Variants in ACAD10 observed in about 807,000 individuals in gnomAD.
ACAD10 encodes ACAD-10.
In ACAD10, 112 loss-of-function variants were observed where a neutral mutation model predicts 116.8. That is an observed-to-expected ratio of 0.96 (90% CI 0.82 to 1.12). ACAD10 has a LOEUF of 1.12. Ranked by LOEUF, ACAD10 falls within the 50% of genes most tolerant of loss-of-function variation. The probability of loss-of-function intolerance (pLI) is 0.00; values close to 1 mark genes in which losing one functional copy is unlikely to be tolerated. For synonymous variants in ACAD10, 486 were observed against 510.6 expected, an observed-to-expected ratio of 0.95 and a Z score of 0.65; for missense variants, 1,259 against 1,350.2, an observed-to-expected ratio of 0.93 and a Z score of 1.06.
rs1318080104 is a variant in ACAD10 at position 111,747,115 on chromosome 12, C to T, written c.2323C>T (p.Gln775Ter). The T allele has an allele frequency of 6.2e-7, 1 of 1,613,350 alleles. No individual in the cohort carries two copies. Residue 775 changes from glutamine (Q) to a stop codon, truncating the protein, a stop_gained, in exon 15 of 21, where the codon CAG (glutamine) becomes TAG (stop). Coordinates refer to ENST00000313698, the MANE Select transcript of ACAD10 (RefSeq NM_025247.6). LOFTEE classifies it high-confidence loss of function. ...GCTGGTGAGGTATGGCACCGAAGCG[C>T]AGAAGGCTCGCTGGCTGATTCCTCT... ...ELLVRYGTEA[Q>*]KARWLIPLLE...
chr12:111,734,334 C>T (rs886562774), intron 11 of ACAD10, among the ~76,000 whole-genome samples: 1 of 152,194 alleles, frequency 6.6e-6, no homozygotes, highest in African/African-American at 2.4e-5. Context: ...AAATTAAAAA[C>T]ACATTCATTG....
chr12:111,713,252 A>C (rs1479745572), intron 6 of ACAD10, among the ~76,000 whole-genome samples: 1 of 151,394 alleles, frequency 6.6e-6, no homozygotes, highest in Non-Finnish European at 1.5e-5. Context: ...TGGAGGTTGC[A>C]GTCAGCCGAG....
chr12:111,695,878 G>T (rs1434794819), intron 2 of ACAD10, among the ~76,000 whole-genome samples: 3 of 151,880 alleles, frequency 2.0e-5, no homozygotes, highest in Non-Finnish European at 4.4e-5. Context: ...GCGGGGCATG[G>T]TGATGGGCAC....
intron 1 of ACAD10, chr12:111,686,492 A>G (rs754115660): frequency 6.6e-6 from 1 of 152,530 alleles, no homozygotes; most frequent in African/African-American, 2.4e-5. Context: ...AGGCGGGCGA[A>G]TCACCTCAGG....
At chr12:111,714,101 C>T (rs550857220) in intron 6 of ACAD10, among the ~76,000 whole-genome samples, 5 of 150,650 alleles carry the variant, frequency 3.3e-5, no homozygotes, top group East Asian at 2.0e-4. Context: ...AAAAATTAGC[C>T]GGGCATGGTG....
Position 111,756,289 on chromosome 12 carries a change from A to G in ACAD10, c.3040-44A>G, listed in dbSNP as rs747439873. 1.3e-5 allele frequency: 20 copies of G among 1,535,220 alleles called. No individual in the cohort carries two copies. In the East Asian group the frequency reaches 4.1e-4, roughly 31 times the overall value. ...TATCATTCCTGGGGCTCTCGGAGAC[A>G]AGGGCTGACCCAGGGCCGCCTCCCT... is the stretch of plus-strand genomic sequence containing the variant. On this transcript the variant is annotated intron_variant, in intron 20 of 20. Transcript: ENST00000313698.
At chr12:111,712,100 C>T (rs1201097510) in intron 5 of ACAD10, among the ~76,000 whole-genome samples, 1 of 152,194 alleles carries the variant, frequency 6.6e-6, no homozygotes, top group Non-Finnish European at 1.5e-5. Context: ...CTCGTTCCAG[C>T]CAATGGAAAC....
intron 8 of ACAD10, among the ~76,000 whole-genome samples, chr12:111,723,807 G>A (rs1318879578): frequency 8.6e-5 from 13 of 150,688 alleles, no homozygotes; most frequent in Non-Finnish European, 1.9e-4. Context: ...GCTGCCGGGC[G>A]GAGGGCCTCC....
intron 8 of ACAD10, among the ~76,000 whole-genome samples, chr12:111,724,335 A>G (rs1889148204): frequency 6.6e-6 from 1 of 151,998 alleles, no homozygotes; most frequent in African/African-American, 2.4e-5. Context: ...GCAGCCAGGC[A>G]GAGGGGCTCC....
intron 11 of ACAD10, among the ~76,000 whole-genome samples, chr12:111,735,716 A>G (rs1889533475): frequency 6.6e-6 from 1 of 152,096 alleles, no homozygotes; most frequent in African/African-American, 2.4e-5. Context: ...TGGCCTCCCA[A>G]AGTGCTAGGA....
intron 16 of ACAD10, chr12:111,747,836 C>G (rs1889958258): frequency 1.2e-6 from 1 of 844,620 alleles, no homozygotes; most frequent in African/African-American, 1.8e-5. Flanking sequence ...GGAGCCCATA[C>G]CTCCCTGGAC....
intron 1 of ACAD10, chr12:111,691,157 G>C (rs762838518): frequency 2.0e-5 from 3 of 151,952 alleles, no homozygotes; most frequent in Non-Finnish European, 4.4e-5. Context: ...CTCTATACAC[G>C]AGTGTATATA....
At position 111,735,193 on chromosome 12, in the gene ACAD10, G is replaced by C. The variant is rs376839825; in HGVS notation, c.1540+1125G>C. 2.0e-5 allele frequency among the ~76,000 whole-genome samples: 3 copies of C among 148,794 alleles called. No individual in the cohort carries two copies. The East Asian group carries it at 6.1e-4, about 30-fold the overall frequency. On this transcript the variant is annotated intron_variant, in intron 11 of 20. Transcript: ENST00000313698. ...GAGCTGAGATGGCGCCACTGCACTC[G>C]AGCCTAGGCAACAGAGCAAGACTCC... is the stretch of plus-strand genomic sequence containing the variant.
At chr12:111,692,149 G>A (rs1321231323) in intron 1 of ACAD10, among the ~76,000 whole-genome samples, 1 of 152,160 alleles carries the variant, frequency 6.6e-6, no homozygotes, top group Non-Finnish European at 1.5e-5. Flanking sequence ...TGTATTTTTA[G>A]TAGAGGTGGG....
chr12:111,742,469 G>A (rs879768810), intron 12 of ACAD10, among the ~76,000 whole-genome samples: 1 of 152,118 alleles, frequency 6.6e-6, no homozygotes, highest in African/African-American at 2.4e-5. Context: ...GGTCCAGTAG[G>A]CTAACTCTCT....
intron 8 of ACAD10, among the ~76,000 whole-genome samples, chr12:111,727,379 C>T (rs1272635627): frequency 6.6e-6 from 1 of 151,158 alleles, no homozygotes; most frequent in African/African-American, 2.4e-5. Flanking sequence ...AAAAAATTAG[C>T]CGGGCGTGGT....
chr12:111,733,845 G>A lies in ACAD10; in HGVS notation c.1395-78G>A. On this transcript the variant is annotated intron_variant, in intron 10 of 20. Coordinates refer to ENST00000313698, the MANE Select transcript of ACAD10 (RefSeq NM_025247.6). ...GGGAGGGTGGGGAGCCAAGCCTAAA[G>A]GGCAAACAGACCACGCAGAATCCAC... 1.9e-6 allele frequency: 3 copies of A among 1,586,562 alleles called. No individual in the cohort carries two copies. The South Asian group carries it at 3.3e-5, about 18-fold the overall frequency.
At position 111,748,443 on chromosome 12, in the gene ACAD10, C is replaced by G; in HGVS notation, c.2612C>G (p.Pro871Arg). ...MDTPGIKIIR[P>R]LTVYGLEDAP... ...ACCCCAGGGATAAAAATCATCCGGC[C>G]TCTGACGGTGTATGGACTGGAAGAT... The change falls in exon 17 of 21, where the codon CCT (proline) becomes CGT (arginine). Residue 871 changes from proline to arginine, a missense_variant. Pro to Arg is a moderately radical substitution (Grantham distance 103, BLOSUM62 -2). Transcript: ENST00000313698. 6.2e-7 allele frequency: 1 copy of G among 1,613,886 alleles called. No individual in the cohort carries two copies. Among genetic ancestry groups the G allele is most frequent in the Non-Finnish European group, 8.5e-7 (1 of 1,180,046 alleles).
At chr12:111,686,693 G>A (rs1887868438) in intron 1 of ACAD10, among the ~76,000 whole-genome samples, 1 of 151,914 alleles carries the variant, frequency 6.6e-6, no homozygotes, top group Non-Finnish European at 1.5e-5. Flanking sequence ...TCCCGCCTGG[G>A]CAACAAGAGC....
Sources: gnomAD v4.1 joint callset for allele counts (sites outside exome capture counted in the v4.1 genomes callset) on GRCh38, gnomAD v4.1.1 for gene constraint, MANE v1.5 for transcripts, NCBI Gene and HGNC (gene_info 2026-07-23, HGNC 2026-07-21) for gene names.